The following KIF9 variants were observed in gnomAD, a reference collection of about 807,000 sequenced individuals.
KIF9 encodes the protein kinesin-like protein KIF9.
Under a neutral mutation model 94.8 loss-of-function variants are expected in KIF9, and 68 were observed. The observed-to-expected ratio is 0.72, with a 90% confidence interval of 0.59 to 0.88. The LOEUF is 0.88. Among genes scored for constraint, KIF9 ranks in the 40% least tolerant of loss-of-function variants. The pLI is 0.00. For synonymous variants in KIF9, 343 were observed against 362.1 expected, an observed-to-expected ratio of 0.95 and a Z score of 0.60; for missense variants, 882 against 982.5, an observed-to-expected ratio of 0.90 and a Z score of 1.37.
At chr3:47,245,734 G>A (rs1474635803) in intron 13 of KIF9, 28 of 565,026 alleles carry the variant, frequency 5.0e-5, no homozygotes, top group Non-Finnish European at 5.4e-5. Flanking sequence ...GCTACCTTAT[G>A]TCATGTGTGT....
At chr3:47,239,320 G>C (rs1201499520) in intron 17 of KIF9, among the ~76,000 whole-genome samples, 1 of 152,198 alleles carries the variant, frequency 6.6e-6, no homozygotes, top group Non-Finnish European at 1.5e-5. Context: ...TCTTAAATAT[G>C]TAATAAGGGG....
At chr3:47,259,338 G>A (rs1700817548) in intron 9 of KIF9, among the ~76,000 whole-genome samples, 1 of 152,176 alleles carries the variant, frequency 6.6e-6, no homozygotes, top group African/African-American at 2.4e-5. Flanking sequence ...TTCCCTCAGG[G>A]ACCTCTCTGC....
intron 10 of KIF9, among the ~76,000 whole-genome samples, chr3:47,250,861 A>T (rs1700230506): frequency 6.6e-6 from 1 of 152,212 alleles, no homozygotes; most frequent in Non-Finnish European, 1.5e-5. Context: ...GCCCTCTCCC[A>T]GACCAAAGGC....
At position 47,240,919 on chromosome 3, in the gene KIF9, G is replaced by A. The variant is rs776703845; in HGVS notation, c.1806C>T (p.Ile602=). Reference sequence around the variant, plus strand: ...TGGCCCTTTTCCTCCGTTCATTCAAGATGGATTTGTTTTCTTTGAAAATTC... The same window carrying A: ...TGGCCCTTTTCCTCCGTTCATTCAAAATGGATTTGTTTTCTTTGAAAATTC... ...INRIFKENKS[I]LNERRKRASE... Residue 602 remains isoleucine (I), a synonymous_variant, in exon 17 of 21, where the codon ATC becomes ATT. Transcript: ENST00000684063. 1 of 1,614,074 alleles carries A rather than the reference G, an allele frequency of 6.2e-7. No homozygotes were observed. The highest frequency in any genetic ancestry group is 1.3e-5 in the African/African-American group (1 of 74,926).
At position 47,277,314 on chromosome 3, in the gene KIF9, G is replaced by T; in HGVS notation, c.61C>A (p.His21Asn). ...TCATCTCCGTATCTGATCATTTCAT[G>T]AGCAAAGTCATCGGTGGGTTTGACA... Reference protein sequence around the residue: ...VRVKPTDDFAHEMIRYGDDKR... With the variant: ...VRVKPTDDFANEMIRYGDDKR... Residue 21 changes from histidine to asparagine, a missense_variant, in exon 2 of 21, where the codon CAT becomes AAT. Coordinates refer to ENST00000684063, the MANE Select transcript of KIF9 (RefSeq NM_182902.4). 6.2e-7 allele frequency: 1 copy of T among 1,613,978 alleles called. No homozygotes were observed. The highest frequency in any genetic ancestry group is 1.1e-5 in the South Asian group (1 of 91,030).
chr3:47,259,605 T>C (rs1350647757), intron 9 of KIF9, among the ~76,000 whole-genome samples: 2 of 151,522 alleles, frequency 1.3e-5, no homozygotes, highest in African/African-American at 4.9e-5. Flanking sequence ...GGAGACTCCA[T>C]TTTGTTATGT....
Position 47,264,331 on chromosome 3 carries a change from G to C in KIF9, c.936C>G (p.Val312=). 6.2e-7 allele frequency: 1 copy of C among 1,613,720 alleles called. No homozygotes were observed. Among genetic ancestry groups the C allele is most frequent in the Non-Finnish European group, 8.5e-7 (1 of 1,179,648 alleles). The change falls in exon 9 of 21, where the codon GTC becomes GTG. Residue 312 remains valine, a synonymous_variant. Coordinates refer to ENST00000684063, the MANE Select transcript of KIF9 (RefSeq NM_182902.4). ...CTTCTCCATAGATGTTTGTCACGAGGACCATATTGCAGTTTCCCCCTGCGG... is the reference window on the plus strand; with the variant it reads ...CTTCTCCATAGATGTTTGTCACGAGCACCATATTGCAGTTTCCCCCTGCGG... The part of the protein sequence containing the change: ...KDSLGGNCNM[V]LVTNIYGEAA...
chr3:47,228,667 C>T lies in KIF9; in HGVS notation c.2358G>A (p.Gln786=). The change falls in exon 21 of 21, where the codon CAG becomes CAA. Residue 786 remains glutamine (Q), a synonymous_variant. Transcript: ENST00000684063. The stretch of plus-strand genomic sequence containing the variant: ...CGATGAGGTTCTATTTTCTATGTGC[C>T]TGCTGGAGGCCCATCATGGTTTTCA... ...NYLKTMMGLQ[Q]AHRK is the part of the protein sequence containing the mutation. 3 of 1,613,958 alleles carry T rather than the reference C, an allele frequency of 1.9e-6. No homozygotes were observed. The highest frequency in any genetic ancestry group is 2.5e-6 in the Non-Finnish European group (3 of 1,179,872).
chr3:47,233,951 C>A (rs1197621555), intron 20 of KIF9, among the ~76,000 whole-genome samples: 1 of 151,564 alleles, frequency 6.6e-6, no homozygotes, highest in Admixed American at 6.6e-5. Flanking sequence ...ATTAGCCGGG[C>A]ATGGTAGCAT....
intron 7 of KIF9, 55 bp downstream of exon 7, chr3:47,266,921 C>T (rs1701322214): frequency 6.9e-6 from 9 of 1,304,328 alleles, no homozygotes; most frequent in Non-Finnish European, 1.0e-5. Context: ...AGGCACTGTG[C>T]CAGAAAAAGG....
chr3:47,257,598 A>C (rs1700706282), intron 9 of KIF9, 38 bp from the exon 10 acceptor site: 11 of 1,574,400 alleles, frequency 7.0e-6, no homozygotes, highest in Non-Finnish European at 8.7e-6. Context: ...ATGGCTCGCC[A>C]CTAAAGTGAG....
At chr3:47,264,603 A>T (rs913629219) in intron 8 of KIF9, among the ~76,000 whole-genome samples, 1 of 151,856 alleles carries the variant, frequency 6.6e-6, no homozygotes, top group Non-Finnish European at 1.5e-5. Flanking sequence ...CACCTGGCTA[A>T]TTTTTTTTGT....
intron 1 of KIF9, among the ~76,000 whole-genome samples, chr3:47,277,993 A>T (rs1044013558): frequency 4.7e-5 from 7 of 150,104 alleles, no homozygotes; most frequent in South Asian, 2.1e-4. Context: ...ATTTTCTTTC[A>T]GTGTGTGTGT....
intron 10 of KIF9, among the ~76,000 whole-genome samples, chr3:47,251,898 G>A (rs1212118365): frequency 6.6e-6 from 1 of 152,164 alleles, no homozygotes; most frequent in Non-Finnish European, 1.5e-5. Context: ...GGTCACTGCA[G>A]GTTATCAGGC....
chr3:47,255,089 C>T (rs966977723), intron 10 of KIF9, among the ~76,000 whole-genome samples: 16 of 152,316 alleles, frequency 1.1e-4, no homozygotes, highest in African/African-American at 3.4e-4. Context: ...GTTTGTCGAG[C>T]TTAGGGCTTA....
At chr3:47,270,271 GAGA>G (rs1372574967) in intron 5 of KIF9, among the ~76,000 whole-genome samples, 2 of 138,582 alleles carry the variant, frequency 1.4e-5, no homozygotes, top group African/African-American at 5.4e-5. Context: ...TTTTTTTTTT[GAGA>G]AGGAGTTTTG....
intron 20 of KIF9, among the ~76,000 whole-genome samples, chr3:47,229,966 T>A (rs1698438969): frequency 6.6e-6 from 1 of 152,132 alleles, no homozygotes; most frequent in Non-Finnish European, 1.5e-5. Context: ...ACTCCTCACC[T>A]TAAGTGATCC....
chr3:47,271,675 T>C (rs1250715069), intron 4 of KIF9, among the ~76,000 whole-genome samples: 5 of 152,222 alleles, frequency 3.3e-5, no homozygotes, highest in Admixed American at 6.5e-5. Flanking sequence ...AGAGGCATAA[T>C]GAGTGGAAAG....
chr3:47,252,641 C>T (rs979899937), intron 10 of KIF9, among the ~76,000 whole-genome samples: 1 of 151,888 alleles, frequency 6.6e-6, no homozygotes, highest in African/African-American at 2.4e-5. Context: ...GAAAAACCTT[C>T]AAGACAGGTA....
Sources: gnomAD v4.1 joint callset for allele counts (sites outside exome capture counted in the v4.1 genomes callset) on GRCh38, gnomAD v4.1.1 for gene constraint, MANE v1.5 for transcripts, NCBI Gene and HGNC (gene_info 2026-07-23, HGNC 2026-07-21) for gene names.